CSRNP1: variants seen among roughly 807,000 people sequenced by gnomAD.
CSRNP1 encodes the protein cysteine and serine rich nuclear protein 1, also known as cysteine/serine-rich nuclear protein 1.
CSRNP1 carries 8 observed loss-of-function variants against 25.0 expected under a neutral mutation model. That is an observed-to-expected ratio of 0.32 (90% CI 0.19 to 0.58). The LOEUF (loss-of-function observed/expected upper bound fraction) is 0.58. CSRNP1 is among the 20% of genes least tolerant of loss of function. The pLI, the probability that CSRNP1 is intolerant of heterozygous loss-of-function variation, is 0.88. For missense variants in CSRNP1, 691 were observed against 773.1 expected (o/e 0.89, Z 1.26); for synonymous variants, 305 against 303.1 (o/e 1.01, Z -0.06).
In CSRNP1 at chr3:39,143,436, G is replaced by C. The variant is rs1261722861; in HGVS notation, c.1389C>G (p.Ser463Arg). Reference protein sequence around the residue: ...VLDENANLDASCFLNGGLEGS... With the variant: ...VLDENANLDARCFLNGGLEGS... ...CTTCAAGGCCACCATTTAGGAAGCA[G>C]CTGGCATCCAGGTTGGCATTCTCAT... is the stretch of plus-strand genomic sequence containing the variant. The change falls in exon 5 of 5, where the codon AGC becomes AGG. Residue 463 changes from serine (S) to arginine (R), a missense_variant. Physicochemically the swap from Ser to Arg is moderately radical, Grantham distance 110. Coordinates refer to ENST00000273153, the MANE Select transcript of CSRNP1 (RefSeq NM_033027.4). The C allele has an allele frequency of 1.3e-5, 21 of 1,614,054 alleles. No homozygotes were observed. Among genetic ancestry groups the C allele is most frequent in the Non-Finnish European group, 1.8e-5 (21 of 1,179,994 alleles).
Position 39,142,974 on chromosome 3 carries a change from G to C in CSRNP1, c.*81C>G. 6.7e-7 allele frequency: 1 copy of C among 1,483,688 alleles called. No homozygotes were observed. The highest frequency in any genetic ancestry group is 1.4e-5 in the South Asian group (1 of 73,100). The allele number at this position is 1,483,688 out of a possible 1,614,324, so 91.9% of individuals were successfully genotyped here. ...TGGGTGAGCCAGCCAGTGGGAGACT[G>C]TTACGCAGACTCTGGGGAGCCCCAT... is the stretch of plus-strand genomic sequence containing the variant. On this transcript the variant is annotated 3_prime_UTR_variant, in exon 5 of 5. Transcript: ENST00000273153.
In CSRNP1 at chr3:39,144,358, C is replaced by T. The variant is rs776980215; in HGVS notation, c.559G>A (p.Ala187Thr). Residue 187 changes from alanine to threonine, a missense_variant, in exon 4 of 5, where the codon GCT becomes ACT. By Grantham distance (58) the Ala-to-Thr change is moderately conservative. Coordinates refer to ENST00000273153, the MANE Select transcript of CSRNP1 (RefSeq NM_033027.4). Reference protein sequence around the residue: ...DASVEEDLAVAVAGGRLEEVS... With the variant: ...DASVEEDLAVTVAGGRLEEVS... ...TCTTCCAACCGGCCACCTGCCACAG[C>T]GACTGCCAAGTCCTCCTCCACAGAG... 103 of 1,614,004 alleles carry T rather than the reference C, an allele frequency of 6.4e-5. No homozygotes were observed. The highest frequency in any genetic ancestry group is 1.3e-4 in the South Asian group (12 of 91,094).
At chr3:39,147,329 A>ACAGGCACGCCACTCTGCAC (rs2039529347) in intron 1 of CSRNP1, among the ~76,000 whole-genome samples, 1 of 151,982 alleles carries the variant, frequency 6.6e-6, no homozygotes, top group African/African-American at 2.4e-5. Flanking sequence ...AGCACATCCA[A>ACAGGCACGCCACTCTGCAC]ACAGGCACGC....
chr3:39,145,428 G>A (rs6787473), intron 2 of CSRNP1, among the ~76,000 whole-genome samples, 172 bp from the exon 3 acceptor site: 9,893 of 152,208 alleles, frequency 0.065, 1,064 homozygotes, highest in African/African-American at 0.22. Flanking sequence ...GGACTGGAGC[G>A]GCTGAAACTG....
upstream of CSRNP1, chr3:39,153,725 C>T (rs2039618722): frequency 6.6e-6 from 1 of 151,778 alleles, no homozygotes; most frequent in African/African-American, 2.4e-5. Context: ...CCTCCTCCCC[C>T]GCCTGGAGCC....
At chr3:39,146,867 T>G in intron 1 of CSRNP1, 145 bp from the exon 2 acceptor site, 1 of 1,121,296 alleles carries the variant, frequency 8.9e-7, no homozygotes, top group Non-Finnish European at 1.2e-6. Context: ...GAGCTCTGTG[T>G]GGGGGAGGGC....
intron 2 of CSRNP1, among the ~76,000 whole-genome samples, chr3:39,145,718 T>C (rs1401710611): frequency 6.6e-6 from 1 of 152,256 alleles, no homozygotes; most frequent in African/African-American, 2.4e-5. Flanking sequence ...ATATTGGAAA[T>C]TCCATATATT....
intron 1 of CSRNP1, chr3:39,152,415 C>G (rs1270688201): frequency 3.3e-5 from 5 of 152,870 alleles, no homozygotes; most frequent in Non-Finnish European, 7.3e-5. Context: ...GTTGGAGGTG[C>G]TGCCAGGGCC....
Position 39,143,701 on chromosome 3 carries a change from G to C in CSRNP1, c.1124C>G (p.Pro375Arg), listed in dbSNP as rs1463409298. 1 of 1,614,242 alleles carries C rather than the reference G, an allele frequency of 6.2e-7. No homozygotes were observed. Among genetic ancestry groups the C allele is most frequent in the Admixed American group, 1.7e-5 (1 of 60,036 alleles). The change falls in exon 5 of 5, where the codon CCA becomes CGA. Residue 375 changes from proline (P) to arginine (R), a missense_variant. Physicochemically the swap from Pro to Arg is moderately radical, Grantham distance 103. Coordinates refer to ENST00000273153, the MANE Select transcript of CSRNP1 (RefSeq NM_033027.4). Reference sequence around the variant, plus strand: ...CTGGAAGCCAGGGCCAGGCAGGCCTGGGTGGGTGGGGCAGTCAGGAGCCTC... The same window carrying C: ...CTGGAAGCCAGGGCCAGGCAGGCCTCGGTGGGTGGGGCAGTCAGGAGCCTC... ...TSEAPDCPTHPGLPGPGFQPG... is the reference protein window; with the variant it reads ...TSEAPDCPTHRGLPGPGFQPG...
chr3:39,153,476 C>A lies in CSRNP1; in HGVS notation c.-79G>T. ...GCTCGCGGAGGACAACGACGCGACCCGCGTCCCGGCCGGGGACGCCCCCTG... is the reference window on the plus strand; with the variant it reads ...GCTCGCGGAGGACAACGACGCGACCAGCGTCCCGGCCGGGGACGCCCCCTG... On this transcript the variant is annotated 5_prime_UTR_variant, in exon 1 of 5. Coordinates refer to ENST00000273153, the MANE Select transcript of CSRNP1 (RefSeq NM_033027.4). 1 of 319,220 alleles carries A rather than the reference C, an allele frequency of 3.1e-6. No homozygotes were observed. The highest frequency in any genetic ancestry group is 2.0e-5 in the South Asian group (1 of 48,822). 19.8% of individuals were successfully genotyped at this position (319,220 alleles called of 1,614,324 possible).
intron 1 of CSRNP1, chr3:39,152,910 G>A (rs1172411633): frequency 6.6e-6 from 1 of 152,296 alleles, no homozygotes; most frequent in East Asian, 1.9e-4. Flanking sequence ...CGGGGTCCGT[G>A]ACTCACCGCG....
chr3:39,144,882 G>C lies in CSRNP1; in HGVS notation c.465+115C>G, dbSNP rs1485370120. The stretch of plus-strand genomic sequence containing the variant: ...AGCCAATCACCAGGCCCACAGGCCT[G>C]TTTCCCCATAACCATAATGAGCAAG... On this transcript the variant is annotated intron_variant, in intron 3 of 4. Coordinates refer to ENST00000273153, the MANE Select transcript of CSRNP1 (RefSeq NM_033027.4). 6 of 1,295,438 alleles carry C rather than the reference G, an allele frequency of 4.6e-6. No homozygotes were observed. The African/African-American group carries it at 9.0e-5, about 19-fold the overall frequency. The allele number at this position is 1,295,438 out of a possible 1,614,324, so 80.2% of individuals were successfully genotyped here.
Position 39,144,264 on chromosome 3 carries a change from C to T in CSRNP1, c.653G>A (p.Arg218Lys), listed in dbSNP as rs1282804841. 10 of 1,614,190 alleles carry T rather than the reference C, an allele frequency of 6.2e-6. No homozygotes were observed. The Admixed American group carries it at 1.7e-4, about 27-fold the overall frequency. ...RALLRASGVR[R>K]IDREEKRELQ... The stretch of plus-strand genomic sequence containing the variant: ...CTCCCGCTTCTCCTCCCGATCGATC[C>T]TTCGCACACCTGAAGCCCTCAGCAG... The change falls in exon 4 of 5, where the codon AGG becomes AAG. Residue 218 changes from arginine (R) to lysine (K), a missense_variant. Transcript: ENST00000273153.
Position 39,143,400 on chromosome 3 carries a change from T to C in CSRNP1, c.1425A>G (p.Glu475=). ...GCACTGAGGTGCCAGGAAGGCTGCCTTCCCTTGACCCTTCAAGGCCACCAT... is the reference window on the plus strand; with the variant it reads ...GCACTGAGGTGCCAGGAAGGCTGCCCTCCCTTGACCCTTCAAGGCCACCAT... ...FLNGGLEGSR[E]GSLPGTSVPP... The change falls in exon 5 of 5, where the codon GAA becomes GAG. Residue 475 remains glutamate, a synonymous_variant. Coordinates refer to ENST00000273153, the MANE Select transcript of CSRNP1 (RefSeq NM_033027.4). The C allele has an allele frequency of 6.2e-7, 1 of 1,614,168 alleles. No individual in the cohort carries two copies. The highest frequency in any genetic ancestry group is 8.5e-7 in the Non-Finnish European group (1 of 1,179,984).
At chr3:39,154,355 C>G (rs1436143736), upstream of CSRNP1, 1 of 152,250 alleles carries the variant, frequency 6.6e-6, no homozygotes, top group African/African-American at 2.4e-5. Context: ...TAAAATGGTC[C>G]ACTGCCTTCT....
rs1421409940 is a variant in CSRNP1, at chr3:39,143,984, G to A, written c.841C>T (p.Arg281Cys). 5 of 1,613,770 alleles carry A rather than the reference G, an allele frequency of 3.1e-6. No homozygotes were observed. The highest frequency in any genetic ancestry group is 1.7e-5 in the Admixed American group (1 of 60,002). ...CREGCENPMG[R>C]VEFNQARVQT... ...ACTCTTGCCTGATTAAATTCCACACGGCCCATGGGGTTCTCACAGCCCTCC... is the reference window on the plus strand; with the variant it reads ...ACTCTTGCCTGATTAAATTCCACACAGCCCATGGGGTTCTCACAGCCCTCC... The change falls in exon 5 of 5, where the codon CGT (arginine) becomes TGT (cysteine). Residue 281 changes from arginine to cysteine, a missense_variant. Arg to Cys is a radical substitution (Grantham distance 180, BLOSUM62 -3). Transcript: ENST00000273153.
At position 39,143,470 on chromosome 3, in the gene CSRNP1, C is replaced by T; in HGVS notation, c.1355G>A (p.Gly452Asp). The change falls in exon 5 of 5, where the codon GGC (glycine) becomes GAC (aspartate). Residue 452 changes from glycine to aspartate, a missense_variant. Gly to Asp is a moderately conservative substitution (Grantham distance 94, BLOSUM62 -1). Coordinates refer to ENST00000273153, the MANE Select transcript of CSRNP1 (RefSeq NM_033027.4). ...CAGGTTGGCATTCTCATCCAGGACG[C>T]CTGATGTGAAGCTACAGCCAGAATA... ...HSYSGCSFTS[G>D]VLDENANLDA... 1 of 1,614,148 alleles carries T rather than the reference C, an allele frequency of 6.2e-7. No individual in the cohort carries two copies. The highest frequency in any genetic ancestry group is 1.1e-5 in the South Asian group (1 of 91,078).
Position 39,144,355 on chromosome 3 carries a change from C to G in CSRNP1, c.562G>C (p.Val188Leu), listed in dbSNP as rs768950919. The G allele has an allele frequency of 6.2e-7, 1 of 1,614,164 alleles. No homozygotes were observed. Among genetic ancestry groups the G allele is most frequent in the Non-Finnish European group, 8.5e-7 (1 of 1,180,042 alleles). ...ACTTCTTCCAACCGGCCACCTGCCACAGCGACTGCCAAGTCCTCCTCCACA... is the reference window on the plus strand; with the variant it reads ...ACTTCTTCCAACCGGCCACCTGCCAGAGCGACTGCCAAGTCCTCCTCCACA... ...ASVEEDLAVA[V>L]AGGRLEEVSF... Residue 188 changes from valine to leucine, a missense_variant, in exon 4 of 5, where the codon GTG becomes CTG. Transcript: ENST00000273153.
At chr3:39,145,302 C>A in intron 2 of CSRNP1, 46 bp from the exon 3 acceptor site, 1 of 1,518,110 alleles carries the variant, frequency 6.6e-7, no homozygotes, top group South Asian at 1.3e-5. Context: ...TTCAGTGAGG[C>A]ACAACTTACC....
Sources: allele counts gnomAD v4.1 joint callset (sites outside exome capture counted in the v4.1 genomes callset), GRCh38; gene constraint gnomAD v4.1.1; transcripts MANE v1.5; gene names NCBI Gene and HGNC (gene_info 2026-07-23, HGNC 2026-07-21).